The following PWP1 variants were observed in gnomAD, a reference collection of about 807,000 sequenced individuals.
PWP1 encodes the protein PWP1 homolog, endonuclein.
In PWP1, 47 loss-of-function variants were observed where a neutral mutation model predicts 69.9. The observed-to-expected ratio is 0.67, with a 90% CI of 0.53 to 0.86. The LOEUF (loss-of-function observed/expected upper bound fraction) is 0.86, where lower values mean the gene tolerates loss of function less well. Ranked by LOEUF, PWP1 falls within the 40% of genes least tolerant of loss-of-function variation. The pLI, the probability that PWP1 is intolerant of heterozygous loss-of-function variation, is 0.00. For synonymous variants in PWP1, 222 were observed against 208.2 expected (o/e 1.07, Z -0.57); for missense variants, 551 against 608.8 (o/e 0.91, Z 1.00).
chr12:107,691,548 G>T (rs141560924), intron 3 of PWP1, among the ~76,000 whole-genome samples: 2 of 152,268 alleles, frequency 1.3e-5, no homozygotes, highest in Non-Finnish European at 2.9e-5. Flanking sequence ...AGCAATGAGG[G>T]CCTGGCTTGG....
chr12:107,700,639 G>A (rs932943789), intron 8 of PWP1, among the ~76,000 whole-genome samples: 7 of 152,134 alleles, frequency 4.6e-5, no homozygotes, highest in African/African-American at 1.7e-4. Context: ...GAATGTGGGT[G>A]TACAAATATT....
In PWP1 at chr12:107,697,460, C is replaced by A; in HGVS notation, c.614-7C>A. ...TGTAATCATACATGCATTGTTTCCTCCCATAGGAAATTACATTGCTGTAGG... is the reference window on the plus strand; with the variant it reads ...TGTAATCATACATGCATTGTTTCCTACCATAGGAAATTACATTGCTGTAGG... On this transcript the variant is annotated splice_polypyrimidine_tract_variant and splice_region_variant and intron_variant, in intron 6 of 14. Coordinates refer to ENST00000412830, the MANE Select transcript of PWP1 (RefSeq NM_007062.3). 1 of 1,571,812 alleles carries A rather than the reference C, an allele frequency of 6.4e-7. No individual in the cohort carries two copies. Among genetic ancestry groups the A allele is most frequent in the Non-Finnish European group, 8.6e-7 (1 of 1,164,790 alleles).
At chr12:107,686,224 C>T (rs995114279) in intron 1 of PWP1, 1 of 561,978 alleles carries the variant, frequency 1.8e-6, no homozygotes, top group South Asian at 2.2e-5. Context: ...CAAATTCGCA[C>T]GCACATGGAC....
chr12:107,688,743 TTGA>T lies in PWP1; in HGVS notation c.270_272del (p.Asp90del), dbSNP rs1218741966. 4.3e-6 allele frequency: 7 copies of T among 1,614,176 alleles called. No homozygotes were observed. In the Admixed American group the frequency reaches 1.0e-4, roughly 23 times the overall value. On this transcript the variant is annotated inframe_deletion, in exon 3 of 15. Coordinates refer to ENST00000412830, the MANE Select transcript of PWP1 (RefSeq NM_007062.3). ...GGTGACCCAGAGGATGACAGGACGC[TTGA>T]TGATGATGAGCTGGCTGAGTACGAC...
intron 5 of PWP1, among the ~76,000 whole-genome samples, chr12:107,693,453 C>T (rs1889524787): frequency 6.6e-6 from 1 of 152,050 alleles, no homozygotes; most frequent in Non-Finnish European, 1.5e-5. Context: ...TGCTGGATTA[C>T]AGGTGTGAGC....
At chr12:107,703,103 C>A in intron 9 of PWP1, 72 bp downstream of exon 9, 1 of 1,080,852 alleles carries the variant, frequency 9.3e-7, no homozygotes, top group Non-Finnish European at 1.4e-6. Flanking sequence ...TAATCCCAAA[C>A]GTTTATATAT....
intron 7 of PWP1, among the ~76,000 whole-genome samples, chr12:107,698,716 C>T (rs1889643185): frequency 6.6e-6 from 1 of 152,146 alleles, no homozygotes; most frequent in African/African-American, 2.4e-5. Context: ...CCTCAGCTTC[C>T]TGAGTAGCTG....
intron 14 of PWP1, among the ~76,000 whole-genome samples, chr12:107,710,949 A>G (rs920838691): frequency 1.3e-5 from 2 of 152,302 alleles, no homozygotes. Context: ...GGAGACCCTA[A>G]CCCAGTGGCG....
At chr12:107,697,865 TGAA>T (rs1446275842) in intron 7 of PWP1, 1 of 495,372 alleles carries the variant, frequency 2.0e-6, no homozygotes, top group Non-Finnish European at 3.9e-6. Context: ...CTACTATAGA[TGAA>T]GGACTTTCGG....
At chr12:107,696,207 A>G (rs1002858972) in intron 5 of PWP1, among the ~76,000 whole-genome samples, 2 of 151,702 alleles carry the variant, frequency 1.3e-5, no homozygotes, top group African/African-American at 4.8e-5. Flanking sequence ...TAATTTTTGT[A>G]TTTTGAGTAG....
In PWP1 at chr12:107,697,514, G is replaced by A. The variant is rs761227223; in HGVS notation, c.661G>A (p.Asp221Asn). 6.2e-7 allele frequency: 1 copy of A among 1,607,518 alleles called. No homozygotes were observed. The highest frequency in any genetic ancestry group is 8.5e-7 in the Non-Finnish European group (1 of 1,177,604). ...CATGACCCCTGTTATTGAAGTGTGG[G>A]ACCTTGATATAGTGGACTCTTTAGA... ...GNMTPVIEVW[D>N]LDIVDSLEPV... Residue 221 changes from aspartate to asparagine, a missense_variant, in exon 7 of 15, where the codon GAC becomes AAC. Coordinates refer to ENST00000412830, the MANE Select transcript of PWP1 (RefSeq NM_007062.3).
intron 1 of PWP1, among the ~76,000 whole-genome samples, chr12:107,687,451 T>C (rs1230916682): frequency 6.6e-6 from 1 of 152,234 alleles, no homozygotes; most frequent in Non-Finnish European, 1.5e-5. Flanking sequence ...TCCCAAGTAT[T>C]GTGTTGTAAT....
chr12:107,686,240 G>C (rs1889362296), intron 1 of PWP1: 1 of 540,932 alleles, frequency 1.8e-6, no homozygotes, highest in Non-Finnish European at 3.3e-6. Flanking sequence ...TGGACTTAGC[G>C]GGCCGGAAAG....
At chr12:107,708,163 T>G (rs1362515258) in intron 11 of PWP1, among the ~76,000 whole-genome samples, 2 of 152,188 alleles carry the variant, frequency 1.3e-5, no homozygotes, top group Non-Finnish European at 2.9e-5. Context: ...TTCCAGAGAT[T>G]ATTTGCTAAC....
At position 107,696,510 on chromosome 12, in the gene PWP1, A is replaced by G. The variant is rs778725132; in HGVS notation, c.539A>G (p.His180Arg). 1.2e-6 allele frequency: 2 copies of G among 1,614,148 alleles called. No individual in the cohort carries two copies. The highest frequency in any genetic ancestry group is 2.2e-5 in the East Asian group (1 of 44,866). Residue 180 changes from histidine (H) to arginine (R), a missense_variant, in exon 6 of 15, where the codon CAT becomes CGT. By Grantham distance (29) the His-to-Arg change is conservative (BLOSUM62 0). Transcript: ENST00000412830. ...NQEEDSFYVH[H>R]DILLSAYPLS... ...GAAGAAGACTCTTTTTATGTACACC[A>G]TGATATACTCTTGTCTGCATATCCT...
At chr12:107,696,275 C>T (rs960964867) in intron 5 of PWP1, among the ~76,000 whole-genome samples, 199 bp from the exon 6 acceptor site, 24 of 152,048 alleles carry the variant, frequency 1.6e-4, no homozygotes, top group Non-Finnish European at 3.2e-4. Context: ...TCAAGTGATC[C>T]GCCCACCTTG....
intron 12 of PWP1, 40 bp downstream of exon 12, chr12:107,709,056 T>C (rs369503318): frequency 5.4e-5 from 87 of 1,613,496 alleles, no homozygotes; most frequent in Non-Finnish European, 7.0e-5. Context: ...TCTTAACTTA[T>C]GATGAAGTAA....
chr12:107,686,000 G>T (rs1889354969), intron 1 of PWP1, 29 bp downstream of exon 1: 1 of 1,611,236 alleles, frequency 6.2e-7, no homozygotes, highest in Non-Finnish European at 8.5e-7. Context: ...GAGACAAGGG[G>T]AGCAGCGTCT....
intron 1 of PWP1, chr12:107,686,205 C>T: frequency 3.4e-6 from 2 of 583,002 alleles, no homozygotes; most frequent in Non-Finnish European, 6.1e-6. Context: ...TCAAGCCCAA[C>T]CCCACTCCCA....
Sources: allele counts gnomAD v4.1 joint callset (sites outside exome capture counted in the v4.1 genomes callset), GRCh38; gene constraint gnomAD v4.1.1; transcripts MANE v1.5; gene names NCBI Gene and HGNC (gene_info 2026-07-23, HGNC 2026-07-21).